Variants in NCOA4 observed in about 807,000 individuals in gnomAD.
NCOA4 encodes 70 kDa AR-activator.
A neutral mutation model predicts 69.5 loss-of-function variants in NCOA4; 31 were observed. The observed-to-expected ratio is 0.45, with a 90% CI of 0.34 to 0.60. NCOA4 has a LOEUF of 0.60. Ranked by LOEUF, NCOA4 falls within the 20% of genes least tolerant of loss-of-function variation. The pLI is 0.02. For synonymous variants in NCOA4, 228 were observed against 252.4 expected (o/e 0.90, Z 0.92); for missense variants, 600 against 719.2 (o/e 0.83, Z 1.90).
intron 5 of NCOA4, among the ~76,000 whole-genome samples, chr10:46,014,102 C>G (rs1839393701): frequency 6.6e-6 from 1 of 152,068 alleles, no homozygotes; most frequent in African/African-American, 2.4e-5. Context: ...TCTCAGGTCA[C>G]TGCAACCTCC....
chr10:46,015,265 A>C lies in NCOA4; in HGVS notation c.143T>G (p.Val48Gly). ...TATGCAACTGTGAATCTGAGCTTTG[A>C]CCTAGGAAACACATACATGTTAGCT... The part of the protein sequence containing the change: ...EQQIKDNLRE[V>G]KAQIHSCISR... The change falls in exon 3 of 10, where the codon GTC (valine) becomes GGC (glycine). Residue 48 changes from valine to glycine, a missense_variant and splice_region_variant. Physicochemically the swap from Val to Gly is moderately radical, Grantham distance 109. Coordinates refer to ENST00000581486, the MANE Select transcript of NCOA4 (RefSeq NM_001145263.2). The C allele has an allele frequency of 1.2e-6, 2 of 1,605,076 alleles. No homozygotes were observed. The highest frequency in any genetic ancestry group is 1.1e-5 in the South Asian group (1 of 90,890).
At chr10:46,011,315 TGGAG>T in intron 7 of NCOA4, 109 bp from the exon 8 acceptor site, 2 of 1,065,468 alleles carry the variant, frequency 1.9e-6, no homozygotes, top group Non-Finnish European at 2.7e-6. Context: ...TCGCCCAGGC[TGGAG>T]TGCGGTGGCA....
At chr10:46,012,779 A>T in intron 7 of NCOA4, 104 bp downstream of exon 7, 1 of 1,197,808 alleles carries the variant, frequency 8.3e-7, no homozygotes, top group Middle Eastern at 2.9e-4. Flanking sequence ...ATATGTTTCC[A>T]GACTGCAACC....
chr10:46,027,627 A>G (rs1554925784), intron 1 of NCOA4: 3 of 695,622 alleles, frequency 4.3e-6, no homozygotes, highest in East Asian at 5.6e-5. Context: ...GGCCTTCTAC[A>G]GTTCTTCCAT....
chr10:46,022,511 G>C (rs1554924640), intron 1 of NCOA4: 1 of 453,298 alleles, frequency 2.2e-6, no homozygotes, highest in East Asian at 7.0e-5. Context: ...TGCCGCCCAG[G>C]CTGGAGTGCA....
At chr10:46,024,821 C>A (rs1288841134) in intron 1 of NCOA4, among the ~76,000 whole-genome samples, 4 of 152,188 alleles carry the variant, frequency 2.6e-5, no homozygotes, top group Admixed American at 6.5e-5. Context: ...CCAAGTAGAT[C>A]ATCTCATCTA....
At chr10:46,027,259 A>G (rs971619145) in intron 1 of NCOA4, among the ~76,000 whole-genome samples, 1 of 119,686 alleles carries the variant, frequency 8.4e-6, no homozygotes, top group African/African-American at 3.3e-5. Context: ...ACAGAGCAAG[A>G]CTCCGTCTCA....
chr10:46,025,789 C>T (rs868946393), intron 1 of NCOA4, among the ~76,000 whole-genome samples: 5 of 152,164 alleles, frequency 3.3e-5, no homozygotes, highest in African/African-American at 4.8e-5. Context: ...TCCGGCAGGA[C>T]GCCTGTAACA....
intron 8 of NCOA4, 128 bp from the exon 9 acceptor site, chr10:46,009,679 G>A: frequency 1.2e-6 from 1 of 838,334 alleles, no homozygotes; most frequent in Non-Finnish European, 1.8e-6. Flanking sequence ...CAAAAACAAA[G>A]GTGACAATTG....
At position 46,010,482 on chromosome 10, in the gene NCOA4, G is replaced by T; in HGVS notation, c.1439C>A (p.Ser480Tyr). Reference sequence around the variant, plus strand: ...GACTTGGAAGGAATCAGCAATTCTAGAAGGAGTCATTGCCTTTGGTGCTTT... The same window carrying T: ...GACTTGGAAGGAATCAGCAATTCTATAAGGAGTCATTGCCTTTGGTGCTTT... The part of the protein sequence containing the change: ...QTKAPKAMTP[S>Y]RIADSFQVIK... Residue 480 changes from serine to tyrosine, a missense_variant, in exon 8 of 10, where the codon TCT becomes TAT. Physicochemically the swap from Ser to Tyr is moderately radical, Grantham distance 144. Coordinates refer to ENST00000581486, the MANE Select transcript of NCOA4 (RefSeq NM_001145263.2). The T allele has an allele frequency of 3.7e-6, 6 of 1,614,174 alleles. No homozygotes were observed. The highest frequency in any genetic ancestry group is 4.2e-6 in the Non-Finnish European group (5 of 1,180,026).
intron 1 of NCOA4, chr10:46,023,204 C>A: frequency 1.1e-6 from 1 of 918,974 alleles, no homozygotes; most frequent in Non-Finnish European, 1.3e-6. Flanking sequence ...CTTGCCCTCG[C>A]CCCGGTCGCC....
intron 7 of NCOA4, among the ~76,000 whole-genome samples, chr10:46,012,264 T>C (rs1377796660): frequency 6.6e-6 from 1 of 152,110 alleles, no homozygotes; most frequent in Non-Finnish European, 1.5e-5. Flanking sequence ...CTATAAACTG[T>C]TGGCAACTTC....
chr10:46,028,763 T>A (rs1220872621), intron 1 of NCOA4, among the ~76,000 whole-genome samples: 1 of 152,086 alleles, frequency 6.6e-6, no homozygotes, highest in African/African-American at 2.4e-5. Context: ...GAGAACACAA[T>A]GGTGAGCTTG....
Position 46,006,394 on chromosome 10 carries a change from A to C in NCOA4, c.*198T>G. 1 of 597,022 alleles carries C rather than the reference A, an allele frequency of 1.7e-6. No individual in the cohort carries two copies. The highest frequency in any genetic ancestry group is 3.0e-6 in the Non-Finnish European group (1 of 328,508). The allele number at this position is 597,022 out of a possible 1,614,324, so 37.0% of individuals were successfully genotyped here. On this transcript the variant is annotated 3_prime_UTR_variant, in exon 10 of 10. Coordinates refer to ENST00000581486, the MANE Select transcript of NCOA4 (RefSeq NM_001145263.2). ...AAGGAGGGAACTGAATCACCTCAGCATGAATAAACAGCATTTTTCTTTTAA... is the reference window on the plus strand; with the variant it reads ...AAGGAGGGAACTGAATCACCTCAGCCTGAATAAACAGCATTTTTCTTTTAA...
chr10:46,019,400 CAGT>C (rs1839741215), intron 1 of NCOA4: 1 of 985,326 alleles, frequency 1.0e-6, no homozygotes, highest in Non-Finnish European at 1.2e-6. Flanking sequence ...GCACTTAGGC[CAGT>C]CATGCAAGAC....
chr10:46,021,028 A>G (rs1393667338), intron 1 of NCOA4, among the ~76,000 whole-genome samples: 1 of 152,240 alleles, frequency 6.6e-6, no homozygotes, highest in Admixed American at 6.5e-5. Flanking sequence ...CAAACGAATA[A>G]CAAAACCTGG....
At chr10:46,011,369 G>A (rs1231882114) in intron 7 of NCOA4, among the ~76,000 whole-genome samples, 163 bp from the exon 8 acceptor site, 2 of 151,878 alleles carry the variant, frequency 1.3e-5, no homozygotes, top group East Asian at 1.9e-4. Flanking sequence ...CCAGCTTCAC[G>A]CCATTCTCCT....
At position 46,011,207 on chromosome 10, in the gene NCOA4, CTA is replaced by C; in HGVS notation, c.715-3_715-2del. ...AGAAATTGCAGGCTCTGGAAGAAGT[CTA>C]CACAAAAAGTACACAGTATTAGTTT... On this transcript the variant is annotated splice_acceptor_variant and splice_polypyrimidine_tract_variant and intron_variant, in intron 7 of 9. Coordinates refer to ENST00000581486, the MANE Select transcript of NCOA4 (RefSeq NM_001145263.2). LOFTEE classifies it high-confidence loss of function. 1 of 1,578,334 alleles carries C rather than the reference CTA, an allele frequency of 6.3e-7. No individual in the cohort carries two copies. The highest frequency in any genetic ancestry group is 8.6e-7 in the Non-Finnish European group (1 of 1,167,612).
chr10:46,027,620 C>T, intron 1 of NCOA4: 1 of 719,198 alleles, frequency 1.4e-6, no homozygotes, highest in East Asian at 2.8e-5. Context: ...ATGCCATGGC[C>T]TTCTACAGTT....
Sources: gnomAD v4.1 joint callset for allele counts (sites outside exome capture counted in the v4.1 genomes callset) on GRCh38, gnomAD v4.1.1 for gene constraint, MANE v1.5 for transcripts, NCBI Gene and HGNC (gene_info 2026-07-23, HGNC 2026-07-21) for gene names.